PRKCZ: variants seen among roughly 807,000 people sequenced by gnomAD.
PRKCZ encodes the protein protein kinase C zeta.
In PRKCZ, 33 loss-of-function variants were observed where a neutral mutation model predicts 79.5. The ratio of observed to expected loss-of-function variants is 0.41; its 90% CI spans 0.31 to 0.55. PRKCZ has a LOEUF of 0.55. PRKCZ is among the 20% of genes least tolerant of loss of function. The pLI, the probability that PRKCZ is intolerant of heterozygous loss-of-function variation, is 0.19. For missense variants in PRKCZ, 578 were observed against 813.5 expected (o/e 0.71, Z 3.52); for synonymous variants, 342 against 320.9 (o/e 1.07, Z -0.70).
chr1:2,171,102 G>A (rs560853520), intron 11 of PRKCZ, among the ~76,000 whole-genome samples: 5 of 152,222 alleles, frequency 3.3e-5, no homozygotes, highest in South Asian at 4.1e-4. Flanking sequence ...AGGCCAAGGC[G>A]GGCGGATCAC....
intron 16 of PRKCZ, among the ~76,000 whole-genome samples, chr1:2,180,019 G>A (rs1686242548): frequency 6.6e-6 from 1 of 152,202 alleles, no homozygotes; most frequent in South Asian, 2.1e-4. Flanking sequence ...GAGCAGTGGA[G>A]GCCGTCAGAA....
intron 4 of PRKCZ, among the ~76,000 whole-genome samples, chr1:2,087,018 C>T (rs1416548441): frequency 6.6e-6 from 1 of 152,154 alleles, no homozygotes; most frequent in Non-Finnish European, 1.5e-5. Context: ...GTTATGCTGT[C>T]AGTATGATGG....
chr1:2,146,169 TG>T (rs1222789964), intron 7 of PRKCZ, 61 bp downstream of exon 7: 26 of 1,497,150 alleles, frequency 1.7e-5, no homozygotes, highest in Non-Finnish European at 2.0e-5. Flanking sequence ...TGCTCACCTC[TG>T]CCTTCTAGCC....
At chr1:2,102,623 T>C (rs113733116) in intron 4 of PRKCZ, among the ~76,000 whole-genome samples, 3,405 of 152,320 alleles carry the variant, frequency 0.022, 35 homozygotes, top group Non-Finnish European at 0.029. Context: ...TGAGCCACCG[T>C]GCCCGGCCCT....
intron 4 of PRKCZ, among the ~76,000 whole-genome samples, chr1:2,072,397 G>C (rs917707112): frequency 2.0e-5 from 3 of 152,388 alleles, no homozygotes; most frequent in Admixed American, 6.5e-5. Flanking sequence ...TTATTACTCA[G>C]CTTCTGAGAG....
Position 2,110,925 on chromosome 1 carries a change from G to C in PRKCZ, c.335-24337G>C, listed in dbSNP as rs560407029. On this transcript the variant is annotated intron_variant, in intron 4 of 17. Transcript: ENST00000378567. ...CCTGAGAGACCGAGCCGGAAGGTGAGGGACTGGAAGCTTGCACACGTCCCT... is the reference window on the plus strand; with the variant it reads ...CCTGAGAGACCGAGCCGGAAGGTGACGGACTGGAAGCTTGCACACGTCCCT... Among the ~76,000 whole-genome samples, 274 of 152,214 alleles carry C rather than the reference G, an allele frequency of 1.8e-3. 1 individual carries two copies. The highest frequency in any genetic ancestry group is 3.0e-3 in the Non-Finnish European group (203 of 67,972).
intron 11 of PRKCZ, among the ~76,000 whole-genome samples, chr1:2,171,112 C>T (rs913549901): frequency 2.6e-5 from 4 of 152,080 alleles, no homozygotes; most frequent in Non-Finnish European, 4.4e-5. Flanking sequence ...GGGCGGATCA[C>T]GAGGTCAGGA....
intron 1 of PRKCZ, among the ~76,000 whole-genome samples, chr1:2,054,506 C>T (rs1214041096): frequency 6.6e-6 from 1 of 151,936 alleles, no homozygotes; most frequent in African/African-American, 2.4e-5. Context: ...TCCCCAGCCC[C>T]TGGAGTTCAG....
rs368481810 is a variant in PRKCZ at position 2,128,482 on chromosome 1, G to A, written c.335-6780G>A. 1.3e-5 allele frequency among the ~76,000 whole-genome samples: 2 copies of A among 152,236 alleles called. No homozygotes were observed. Among genetic ancestry groups the A allele is most frequent in the African/African-American group, 2.4e-5 (1 of 41,464 alleles). ...TACGTCTTGTCAGAGTGCTCAAGGC[G>A]CGAGATTGCCATGGAAACTGAGCTC... On this transcript the variant is annotated intron_variant, in intron 4 of 17. Coordinates refer to ENST00000378567, the MANE Select transcript of PRKCZ (RefSeq NM_002744.6). The surrounding 1 kb of genome is among the most constrained non-coding windows in gnomAD (Gnocchi z 6.5).
At chr1:2,116,164 C>A (rs1367628830) in intron 4 of PRKCZ, 1 of 152,330 alleles carries the variant, frequency 6.6e-6, no homozygotes, top group East Asian at 1.9e-4. Flanking sequence ...GAGACAAAGG[C>A]TGAATCTGTG....
intron 4 of PRKCZ, among the ~76,000 whole-genome samples, chr1:2,103,283 C>G (rs1050544751): frequency 1.3e-5 from 2 of 152,220 alleles, no homozygotes; most frequent in African/African-American, 4.8e-5. Context: ...AAAAGCAAGT[C>G]GTAGCCCCAG....
At chr1:2,058,306 A>AT (rs35722361) in intron 3 of PRKCZ, among the ~76,000 whole-genome samples, 3,369 of 125,302 alleles carry the variant, frequency 0.027, 95 homozygotes, top group East Asian at 0.12. Flanking sequence ...CCCGGCCCCA[A>AT]TTTTTTTTTT....
chr1:2,144,748 CT>C (rs1021915798), intron 6 of PRKCZ: 9 of 658,050 alleles, frequency 1.4e-5, no homozygotes, highest in African/African-American at 7.8e-5. Flanking sequence ...GGCATCCCCC[CT>C]GGGAAGCCAT....
chr1:2,069,997 C>CA (rs1392186799), intron 4 of PRKCZ, among the ~76,000 whole-genome samples: 2 of 152,238 alleles, frequency 1.3e-5, no homozygotes, highest in East Asian at 3.9e-4. Context: ...TGGCTTTGCA[C>CA]CCAGACCCTG....
At chr1:2,090,376 G>A (rs539366960) in intron 4 of PRKCZ, among the ~76,000 whole-genome samples, 2 of 152,192 alleles carry the variant, frequency 1.3e-5, no homozygotes, top group Admixed American at 6.5e-5. Flanking sequence ...CCGTCAGGGA[G>A]CACCTGTTCA....
intron 5 of PRKCZ, among the ~76,000 whole-genome samples, chr1:2,138,569 TG>T (rs950670896): frequency 1.3e-5 from 2 of 151,730 alleles, no homozygotes; most frequent in African/African-American, 4.8e-5. Flanking sequence ...AGCCCAGGAA[TG>T]GGGGGTGAGG....
intron 9 of PRKCZ, among the ~76,000 whole-genome samples, chr1:2,154,532 C>T (rs752246039): frequency 2.0e-4 from 31 of 152,146 alleles, no homozygotes; most frequent in Non-Finnish European, 4.1e-4. Flanking sequence ...CAGTAAGACC[C>T]TGCCTCTACA....
chr1:2,057,802 A>G (rs1389224160), intron 3 of PRKCZ, among the ~76,000 whole-genome samples: 1 of 151,616 alleles, frequency 6.6e-6, no homozygotes, highest in African/African-American at 2.4e-5. Flanking sequence ...CCTCCCAGAT[A>G]TAAGCGATTG....
chr1:2,095,345 G>A (rs1286851612), intron 4 of PRKCZ, among the ~76,000 whole-genome samples: 3 of 152,170 alleles, frequency 2.0e-5, no homozygotes, highest in Non-Finnish European at 4.4e-5. Flanking sequence ...GGCGGGCAGA[G>A]CCCCATGCTG....
Sources: gnomAD v4.1 joint callset for allele counts (sites outside exome capture counted in the v4.1 genomes callset) on GRCh38, gnomAD v4.1.1 for gene constraint, Gnocchi (gnomAD v3.1) non-coding constraint, MANE v1.5 for transcripts, NCBI Gene and HGNC (gene_info 2026-07-23, HGNC 2026-07-21) for gene names.